Variants in ZHX2 observed in about 807,000 individuals in gnomAD.
The protein encoded by ZHX2 is zinc fingers and homeoboxes protein 2.
A neutral mutation model predicts 21.9 loss-of-function variants in ZHX2; 6 were observed. The observed-to-expected ratio is 0.27, with a 90% CI of 0.15 to 0.54. ZHX2 has a LOEUF of 0.54. Ranked by LOEUF, ZHX2 falls within the 20% of genes least tolerant of loss-of-function variation. ZHX2 has a pLI of 0.95. For missense variants in ZHX2, 908 were observed against 1,090.7 expected (o/e 0.83, Z 2.36); for synonymous variants, 434 against 437.1 (o/e 0.99, Z 0.09).
At chr8:122,889,758 T>G (rs548255566) in intron 2 of ZHX2, among the ~76,000 whole-genome samples, 3 of 152,270 alleles carry the variant, frequency 2.0e-5, no homozygotes, top group African/African-American at 7.2e-5. Flanking sequence ...ATGCAAAACC[T>G]GCATATTCCA....
chr8:122,940,503 C>T (rs1812814983), intron 2 of ZHX2, among the ~76,000 whole-genome samples: 1 of 152,132 alleles, frequency 6.6e-6, no homozygotes, highest in Non-Finnish European at 1.5e-5. Flanking sequence ...CCCGTGTCAC[C>T]CAAATGTGTG....
At chr8:122,800,318 C>G (rs546098740) in intron 1 of ZHX2, among the ~76,000 whole-genome samples, 1 of 152,184 alleles carries the variant, frequency 6.6e-6, no homozygotes, top group Non-Finnish European at 1.5e-5. Context: ...TGCCCTCTTC[C>G]CCTGTCCTGG....
At chr8:122,837,482 C>T (rs1239601241) in intron 1 of ZHX2, among the ~76,000 whole-genome samples, 2 of 152,168 alleles carry the variant, frequency 1.3e-5, no homozygotes, top group Non-Finnish European at 2.9e-5. Flanking sequence ...AAACACCCAC[C>T]CTCCTTTCCA....
In ZHX2 at chr8:122,951,582, C is replaced by T. The variant is rs781113410; in HGVS notation, c.72C>T (p.Pro24=). The T allele has an allele frequency of 1.1e-5, 17 of 1,613,558 alleles. No individual in the cohort carries two copies. Among genetic ancestry groups the T allele is most frequent in the African/African-American group, 2.7e-5 (2 of 74,776 alleles). Residue 24 remains proline, a synonymous_variant, in exon 3 of 4, where the codon CCC becomes CCT. Transcript: ENST00000314393. ...RTSQVVEQDV[P]EEVDRAKEKG... ...CACAAGTAGTAGAACAAGATGTGCCCGAGGAAGTAGACAGGGCCAAAGAGA... is the reference window on the plus strand; with the variant it reads ...CACAAGTAGTAGAACAAGATGTGCCTGAGGAAGTAGACAGGGCCAAAGAGA...
At chr8:122,869,621 T>C (rs1197434032) in intron 2 of ZHX2, among the ~76,000 whole-genome samples, 2 of 151,424 alleles carry the variant, frequency 1.3e-5, no homozygotes, top group South Asian at 4.1e-4. Flanking sequence ...CAGAACTCCA[T>C]GCAGGTCCTG....
At chr8:122,939,264 C>G (rs911294732) in intron 2 of ZHX2, among the ~76,000 whole-genome samples, 6 of 152,336 alleles carry the variant, frequency 3.9e-5, no homozygotes, top group Non-Finnish European at 8.8e-5. Flanking sequence ...TCCAGGGTCT[C>G]TCACCCGTGG....
At chr8:122,814,909 G>A (rs950377954) in intron 1 of ZHX2, among the ~76,000 whole-genome samples, 3 of 152,056 alleles carry the variant, frequency 2.0e-5, no homozygotes, top group African/African-American at 7.2e-5. Flanking sequence ...CTCATCCTAG[G>A]TCTGGGAAAA....
rs1364755713 is a variant in ZHX2, at chr8:122,953,205, G to C, written c.1695G>C (p.Glu565Asp). ...CAGAACTGGATCGGCTAAGGGTGGA[G>C]ACCAAGCTGAGCAGGAGAGAGATCG... ...TQAELDRLRV[E>D]TKLSRREIDS... The change falls in exon 3 of 4, where the codon GAG (glutamate) becomes GAC (aspartate). Residue 565 changes from glutamate (E) to aspartate (D), a missense_variant. Physicochemically the swap from Glu to Asp is conservative, Grantham distance 45. Transcript: ENST00000314393. This position sits in a 1 kb window ranked among gnomAD's most constrained non-coding sequence, Gnocchi z 4.6. The C allele has an allele frequency of 9.9e-6, 16 of 1,613,736 alleles. No homozygotes were observed. In the South Asian group the frequency reaches 1.8e-4, roughly 18 times the overall value.
intron 2 of ZHX2, among the ~76,000 whole-genome samples, chr8:122,910,412 A>G (rs1334652370): frequency 6.6e-6 from 1 of 152,128 alleles, no homozygotes; most frequent in East Asian, 1.9e-4. Flanking sequence ...GTCAGCTGCA[A>G]CATCCTGCTG....
chr8:122,819,532 T>C (rs1818099279), intron 1 of ZHX2, among the ~76,000 whole-genome samples: 1 of 152,222 alleles, frequency 6.6e-6, no homozygotes, highest in Non-Finnish European at 1.5e-5. Context: ...GTTCCTGATG[T>C]TCAAGTGGCC....
chr8:122,935,163 T>A (rs1260693638), intron 2 of ZHX2, among the ~76,000 whole-genome samples: 1 of 152,046 alleles, frequency 6.6e-6, no homozygotes, highest in Admixed American at 6.5e-5. Flanking sequence ...GTGTCTTTTT[T>A]TTTTATCTAT....
chr8:122,928,322 C>T (rs531463904), intron 2 of ZHX2, among the ~76,000 whole-genome samples: 1 of 152,268 alleles, frequency 6.6e-6, no homozygotes, highest in Non-Finnish European at 1.5e-5. Flanking sequence ...TACTGTGTCC[C>T]CAGTGCCTAC....
chr8:122,895,743 GAA>G (rs5894646), intron 2 of ZHX2, among the ~76,000 whole-genome samples: 41 of 125,110 alleles, frequency 3.3e-4, no homozygotes, highest in African/African-American at 9.0e-4. Flanking sequence ...ATGGTGTGGG[GAA>G]AAAAAAAAAA....
chr8:122,934,935 T>C lies in ZHX2; in HGVS notation c.-219-16357T>C, dbSNP rs551089291. ...ACTCCTGACCTCAGGTAATCCACCC[T>C]CCTTGGCCTCCCAAAGTTCTGGGAT... On this transcript the variant is annotated intron_variant, in intron 2 of 3. Transcript: ENST00000314393. Among the ~76,000 whole-genome samples the C allele has an allele frequency of 1.9e-3, 296 of 152,216 alleles. 3 individuals are homozygous for C. The highest frequency in any genetic ancestry group is 6.7e-3 in the African/African-American group (278 of 41,546).
chr8:122,946,870 C>T (rs192197053), intron 2 of ZHX2, among the ~76,000 whole-genome samples: 5 of 152,148 alleles, frequency 3.3e-5, no homozygotes, highest in East Asian at 1.9e-4. Flanking sequence ...CGTGTGCACA[C>T]GCATGCACAC....
rs1389955689 is a variant in ZHX2, at chr8:122,782,371, G to A, written c.-283+425G>A. 6.6e-6 allele frequency among the ~76,000 whole-genome samples: 1 copy of A among 152,040 alleles called. No homozygotes were observed. Among genetic ancestry groups the A allele is most frequent in the Non-Finnish European group, 1.5e-5 (1 of 68,010 alleles). ...CCGACTGTTTTTATTTATTTATTTC[G>A]TGGCCGTCTCCCTCCCTTCTTGGCC... is the stretch of plus-strand genomic sequence containing the variant. On this transcript the variant is annotated intron_variant, in intron 1 of 3. Transcript: ENST00000314393. The surrounding 1 kb of genome is among the most constrained non-coding windows in gnomAD (Gnocchi z 5.3).
chr8:122,837,806 C>T (rs1295987905), intron 1 of ZHX2, among the ~76,000 whole-genome samples: 2 of 152,184 alleles, frequency 1.3e-5, no homozygotes, highest in Non-Finnish European at 2.9e-5. Flanking sequence ...TTTGTCGGTG[C>T]TTAATGGCTT....
intron 2 of ZHX2, among the ~76,000 whole-genome samples, chr8:122,896,225 CT>C (rs67928380): frequency 0.025 from 3,581 of 142,958 alleles, 119 homozygotes; most frequent in African/African-American, 0.081. Context: ...TACTAGGACT[CT>C]TTTTTTTTTT....
rs796774411 is a variant in ZHX2 at position 122,943,577 on chromosome 8, A to G, written c.-219-7715A>G. The stretch of plus-strand genomic sequence containing the variant: ...ACATTCAAACCCCAATTGTTCAGCC[A>G]TTCCATGGTAGGGAAGAGAGGCCAA... On this transcript the variant is annotated intron_variant, in intron 2 of 3. Transcript: ENST00000314393. Among the ~76,000 whole-genome samples the G allele has an allele frequency of 1.2e-4, 19 of 152,354 alleles. 1 individual carries two copies. The highest frequency in any genetic ancestry group is 4.6e-4 in the African/African-American group (19 of 41,588).
Sources: gnomAD v4.1 joint callset for allele counts (sites outside exome capture counted in the v4.1 genomes callset) on GRCh38, gnomAD v4.1.1 for gene constraint, Gnocchi (gnomAD v3.1) non-coding constraint, MANE v1.5 for transcripts, NCBI Gene and HGNC (gene_info 2026-07-23, HGNC 2026-07-21) for gene names.